FAM241A: variants seen among roughly 807,000 people sequenced by gnomAD.
FAM241A encodes the protein uncharacterized protein FAM241A.
In FAM241A, 7 loss-of-function variants were observed where a neutral mutation model predicts 12.2. That is an observed-to-expected ratio of 0.58 (90% CI 0.33 to 1.08). The LOEUF is 1.08. FAM241A is among the 50% of genes least tolerant of loss of function. FAM241A has a pLI of 0.04. For missense variants in FAM241A, 161 were observed against 169.7 expected, an observed-to-expected ratio of 0.95 and a Z score of 0.29; for synonymous variants, 74 against 68.2, an observed-to-expected ratio of 1.08 and a Z score of -0.42.
chr4:112,192,465 T>C lies in FAM241A; in HGVS notation c.*5527T>C. 6.6e-6 allele frequency: 1 copy of C among 151,578 alleles called. No homozygotes were observed. The highest frequency in any genetic ancestry group is 1.9e-4 in the East Asian group (1 of 5,172). 9.4% of individuals were successfully genotyped at this position (151,578 alleles called of 1,614,324 possible). A position where few individuals can be genotyped will look rare whatever the true frequency, so the allele number is the denominator to read the frequency against. ...CACCCATTAACTCGTCATTTAGCAT[T>C]AGGTATATCTCCTAATGCTATCCCT... On this transcript the variant is annotated 3_prime_UTR_variant, in exon 2 of 2. Transcript: ENST00000309733.
At chr4:112,152,845 A>G (rs190646104) in intron 1 of FAM241A, among the ~76,000 whole-genome samples, 6 of 152,294 alleles carry the variant, frequency 3.9e-5, no homozygotes, top group Admixed American at 6.5e-5. Flanking sequence ...CAGAGATTCA[A>G]TTTCCTCATT....
chr4:112,162,103 TCAA>T, intron 1 of FAM241A, among the ~76,000 whole-genome samples: 1 of 152,162 alleles, frequency 6.6e-6, no homozygotes, highest in Non-Finnish European at 1.5e-5. Flanking sequence ...TCGACAAAAT[TCAA>T]CAACCCTTCA....
intron 1 of FAM241A, among the ~76,000 whole-genome samples, chr4:112,157,316 T>G (rs1164294428): frequency 6.6e-6 from 1 of 152,176 alleles, no homozygotes; most frequent in Non-Finnish European, 1.5e-5. Flanking sequence ...TAAGAATATT[T>G]TTGCATTGCT....
At chr4:112,162,490 A>C (rs992949260) in intron 1 of FAM241A, among the ~76,000 whole-genome samples, 1 of 152,240 alleles carries the variant, frequency 6.6e-6, no homozygotes, top group African/African-American at 2.4e-5. Flanking sequence ...ATGTGCAAAA[A>C]TCACAAGCAT....
intron 1 of FAM241A, among the ~76,000 whole-genome samples, chr4:112,182,908 A>G (rs563590892): frequency 1.9e-4 from 29 of 152,052 alleles, no homozygotes; most frequent in Non-Finnish European, 3.7e-4. Flanking sequence ...AATGAGATTG[A>G]CTATAATCTC....
rs1026792974 is a variant in FAM241A, at chr4:112,190,101, A to G, written c.*3163A>G. On this transcript the variant is annotated 3_prime_UTR_variant, in exon 2 of 2. Coordinates refer to ENST00000309733, the MANE Select transcript of FAM241A (RefSeq NM_152400.3). ...CTATTTAATCATGTTTTGACCACAG[A>G]AAATCTCTCTAGGCTGTCACCAAGC... 4 of 152,238 alleles carry G rather than the reference A, an allele frequency of 2.6e-5. No homozygotes were observed. In the South Asian group the frequency reaches 8.3e-4, roughly 32 times the overall value. 9.4% of individuals were successfully genotyped at this position (152,238 alleles called of 1,614,324 possible).
At chr4:112,171,904 A>C (rs1167923124) in intron 1 of FAM241A, among the ~76,000 whole-genome samples, 1 of 152,198 alleles carries the variant, frequency 6.6e-6, no homozygotes, top group Non-Finnish European at 1.5e-5. Context: ...TTTATATTCA[A>C]AAAAAGTATT....
chr4:112,174,074 C>T (rs1723774289), intron 1 of FAM241A, among the ~76,000 whole-genome samples: 1 of 152,240 alleles, frequency 6.6e-6, no homozygotes. Context: ...TTTCAGCTCT[C>T]TGCCCCTCCT....
In FAM241A at chr4:112,193,537, A is replaced by G. The variant is rs1724207697; in HGVS notation, c.*6599A>G. ...AATAATTTTTGTATAAGGTGTAAGG[A>G]AGGGATCCAGTTTCAGCTTTCTACA... On this transcript the variant is annotated 3_prime_UTR_variant, in exon 2 of 2. Transcript: ENST00000309733. 1 of 152,174 alleles carries G rather than the reference A, an allele frequency of 6.6e-6. No individual in the cohort carries two copies. The highest frequency in any genetic ancestry group is 6.5e-5 in the Admixed American group (1 of 15,278). 9.4% of individuals were successfully genotyped at this position (152,174 alleles called of 1,614,324 possible).
chr4:112,159,175 A>G (rs543865441), intron 1 of FAM241A, among the ~76,000 whole-genome samples: 2 of 152,208 alleles, frequency 1.3e-5, no homozygotes, highest in Admixed American at 1.3e-4. Context: ...AGAATTACCT[A>G]CTTGGCTGTG....
Position 112,171,248 on chromosome 4 carries a change from C to G in FAM241A, c.154-15445C>G, listed in dbSNP as rs1461480384. Reference sequence around the variant, plus strand: ...ACATTCCTAAAACCCACTGGACTTTCTGTACGAAGTGTGGCAAGCACCAAC... The same window carrying G: ...ACATTCCTAAAACCCACTGGACTTTGTGTACGAAGTGTGGCAAGCACCAAC... On this transcript the variant is annotated intron_variant, in intron 1 of 1. Transcript: ENST00000309733. The G allele has an allele frequency of 4.0e-6, 3 of 741,366 alleles. No homozygotes were observed. The African/African-American group carries it at 5.1e-5, about 13-fold the overall frequency. The allele number at this position is 741,366 out of a possible 1,614,324, so 45.9% of individuals were successfully genotyped here. A position where few individuals can be genotyped will look rare whatever the true frequency, so the allele number is the denominator to read the frequency against.
Position 112,145,683 on chromosome 4 carries a change from C to T in FAM241A, c.103C>T (p.Pro35Ser). 2.5e-6 allele frequency: 3 copies of T among 1,209,514 alleles called. No individual in the cohort carries two copies. Among genetic ancestry groups the T allele is most frequent in the Non-Finnish European group, 3.1e-6 (3 of 973,262 alleles). 74.9% of individuals were successfully genotyped at this position (1,209,514 alleles called of 1,614,324 possible). The change falls in exon 1 of 2, where the codon CCC becomes TCC. Residue 35 changes from proline (P) to serine (S), a missense_variant. By Grantham distance (74) the Pro-to-Ser change is moderately conservative. Transcript: ENST00000309733. ...GGAGGCGGCAGGGACCGGGTGGGATCCCGGGGCGAGCCCGCGGCGGCGCGG... is the reference window on the plus strand; with the variant it reads ...GGAGGCGGCAGGGACCGGGTGGGATTCCGGGGCGAGCCCGCGGCGGCGCGG... ...EREAAGTGWD[P>S]GASPRRRGQR...
chr4:112,179,059 T>C (rs1318472889), intron 1 of FAM241A, among the ~76,000 whole-genome samples: 1 of 152,136 alleles, frequency 6.6e-6, no homozygotes, highest in East Asian at 1.9e-4. Flanking sequence ...GGAAAGCAGT[T>C]TGGAGATTTT....
At position 112,159,531 on chromosome 4, in the gene FAM241A, A is replaced by G. The variant is rs533775142; in HGVS notation, c.153+13798A>G. On this transcript the variant is annotated intron_variant, in intron 1 of 1. Transcript: ENST00000309733. The stretch of plus-strand genomic sequence containing the variant: ...ATGACTATTGAGGTACAAATCCTCA[A>G]CAAAATACTAGCAAACCAAATTCAA... 4.6e-5 allele frequency among the ~76,000 whole-genome samples: 7 copies of G among 152,344 alleles called. 1 individual carries two copies. The East Asian group carries it at 9.6e-4, about 21-fold the overall frequency.
Position 112,159,295 on chromosome 4 carries a change from A to G in FAM241A, c.153+13562A>G, listed in dbSNP as rs566657879. ...TCTAGATTCTCAATTCTTTCTCACA[A>G]TCCCCACTTCCAGTTCTCTATATTT... On this transcript the variant is annotated intron_variant, in intron 1 of 1. Coordinates refer to ENST00000309733, the MANE Select transcript of FAM241A (RefSeq NM_152400.3). Among the ~76,000 whole-genome samples, 3 of 152,264 alleles carry G rather than the reference A, an allele frequency of 2.0e-5. No individual in the cohort carries two copies. The South Asian group carries it at 6.2e-4, about 32-fold the overall frequency.
intron 1 of FAM241A, among the ~76,000 whole-genome samples, chr4:112,157,233 A>T (rs1286039211): frequency 6.6e-6 from 1 of 152,206 alleles, no homozygotes; most frequent in Non-Finnish European, 1.5e-5. Context: ...CGGATTTCAA[A>T]ACTGGCTTTT....
chr4:112,165,662 C>T (rs918358376), intron 1 of FAM241A, among the ~76,000 whole-genome samples: 2 of 152,132 alleles, frequency 1.3e-5, no homozygotes, highest in South Asian at 2.1e-4. Flanking sequence ...CACAGGAAGA[C>T]AAACATCGCA....
In FAM241A at chr4:112,191,471, T is replaced by C. The variant is rs2110439191; in HGVS notation, c.*4533T>C. The C allele has an allele frequency of 6.6e-6, 1 of 152,376 alleles. No homozygotes were observed. The highest frequency in any genetic ancestry group is 6.5e-5 in the Admixed American group (1 of 15,310). The allele number at this position is 152,376 out of a possible 1,614,324, so 9.4% of individuals were successfully genotyped here. A position where few individuals can be genotyped will look rare whatever the true frequency, so the allele number is the denominator to read the frequency against. On this transcript the variant is annotated 3_prime_UTR_variant, in exon 2 of 2. Coordinates refer to ENST00000309733, the MANE Select transcript of FAM241A (RefSeq NM_152400.3). ...TAAAGTCCTTATGCCTTAATATGTT[T>C]TACAAGGCTCTTCATGTACTGGTTC...
intron 1 of FAM241A, among the ~76,000 whole-genome samples, chr4:112,148,739 T>C (rs1401972167): frequency 6.6e-6 from 1 of 152,210 alleles, no homozygotes; most frequent in East Asian, 1.9e-4. Context: ...TGAGAGATGA[T>C]CCAAGTATGT....
Sources: gnomAD v4.1 joint callset for allele counts (sites outside exome capture counted in the v4.1 genomes callset) on GRCh38, gnomAD v4.1.1 for gene constraint, MANE v1.5 for transcripts, NCBI Gene and HGNC (gene_info 2026-07-23, HGNC 2026-07-21) for gene names.